The following TMEM135 variants were observed in gnomAD, a reference collection of about 807,000 sequenced individuals.
TMEM135 encodes transmembrane protein 135, also known as peroxisomal membrane protein 52.
Under a neutral mutation model 60.3 loss-of-function variants are expected in TMEM135, and 30 were observed. The observed-to-expected ratio is 0.50, with a 90% CI of 0.37 to 0.68. TMEM135 has a LOEUF of 0.68. Among genes scored for constraint, TMEM135 ranks in the 30% least tolerant of loss-of-function variants. The pLI is 0.00. For missense variants in TMEM135, 468 were observed against 548.8 expected (o/e 0.85, Z 1.47); for synonymous variants, 190 against 186.7 (o/e 1.02, Z -0.14).
intron 4 of TMEM135, among the ~76,000 whole-genome samples, chr11:87,109,823 C>G (rs973589177): frequency 8.9e-6 from 1 of 112,360 alleles, no homozygotes; most frequent in Non-Finnish European, 1.8e-5. Context: ...TTAAAAGCAC[C>G]AACTCTTTTT....
At chr11:87,287,621 G>C (rs918515585) in intron 6 of TMEM135, among the ~76,000 whole-genome samples, 1 of 152,208 alleles carries the variant, frequency 6.6e-6, no homozygotes, top group Non-Finnish European at 1.5e-5. Context: ...AGATTGCAGT[G>C]AGCTGAGATC....
At chr11:87,123,152 G>A (rs76070245) in intron 4 of TMEM135, among the ~76,000 whole-genome samples, 15,694 of 152,184 alleles carry the variant, frequency 0.1, 839 homozygotes, top group African/African-American at 0.12. Flanking sequence ...GTTTATGTTA[G>A]TCTTCTAGGG....
At position 87,322,688 on chromosome 11, in the gene TMEM135, A is replaced by G. The variant is rs751301527; in HGVS notation, c.*1355A>G. On this transcript the variant is annotated 3_prime_UTR_variant, in exon 15 of 15. Transcript: ENST00000305494. ...CAAAAGGAATTATAACCCATACTTTAAAAATGCTTAATCCCTCATATTCAA... is the reference window on the plus strand; with the variant it reads ...CAAAAGGAATTATAACCCATACTTTGAAAATGCTTAATCCCTCATATTCAA... The G allele has an allele frequency of 6.6e-6, 3 of 453,912 alleles. No homozygotes were observed. Among genetic ancestry groups the G allele is most frequent in the Non-Finnish European group, 1.3e-5 (3 of 226,734 alleles). 28.1% of individuals were successfully genotyped at this position (453,912 alleles called of 1,614,324 possible). A position where few individuals can be genotyped will look rare whatever the true frequency, so the allele number is the denominator to read the frequency against.
At chr11:87,193,854 T>G (rs301576) in intron 5 of TMEM135, among the ~76,000 whole-genome samples, 79,048 of 150,190 alleles carry the variant, frequency 0.53, 22,022 homozygotes, top group East Asian at 0.73. Context: ...AATAGGCCTA[T>G]GATCATGCTA....
chr11:87,182,232 A>G (rs1247537522), intron 5 of TMEM135, among the ~76,000 whole-genome samples: 3 of 152,044 alleles, frequency 2.0e-5, no homozygotes, highest in African/African-American at 7.2e-5. Flanking sequence ...ATATTGTGTG[A>G]CCTACATGCT....
rs1373008715 is a variant in TMEM135, at chr11:87,326,698, C to G, written c.*5365C>G. On this transcript the variant is annotated 3_prime_UTR_variant, in exon 15 of 15. Coordinates refer to ENST00000305494, the MANE Select transcript of TMEM135 (RefSeq NM_022918.4). Reference sequence around the variant, plus strand: ...CATCTTGAGCTCTCAAGGGAAAAAACAGGAGTCCTTATTTTTCTATTTATT... The same window carrying G: ...CATCTTGAGCTCTCAAGGGAAAAAAGAGGAGTCCTTATTTTTCTATTTATT... 2.2e-6 allele frequency: 1 copy of G among 452,008 alleles called. No individual in the cohort carries two copies. The highest frequency in any genetic ancestry group is 6.9e-5 in the East Asian group (1 of 14,392). The allele number at this position is 452,008 out of a possible 1,614,324, so 28.0% of individuals were successfully genotyped here. A position where few individuals can be genotyped will look rare whatever the true frequency, so the allele number is the denominator to read the frequency against.
At chr11:87,178,440 C>G (rs1011003180) in intron 5 of TMEM135, 1 of 455,908 alleles carries the variant, frequency 2.2e-6, no homozygotes, top group Admixed American at 2.4e-5. Context: ...TAACATAATG[C>G]GTTTTGTTTT....
At chr11:87,094,991 C>T (rs1364231192) in intron 4 of TMEM135, 1 of 166,368 alleles carries the variant, frequency 6.0e-6, no homozygotes, top group African/African-American at 2.4e-5. Context: ...GATATTTACA[C>T]CTTGGATACC....
intron 1 of TMEM135, among the ~76,000 whole-genome samples, chr11:87,041,477 G>T (rs1035052827): frequency 6.6e-6 from 1 of 152,196 alleles, no homozygotes; most frequent in Non-Finnish European, 1.5e-5. Context: ...ATTTCACTAA[G>T]TAGTGGAAAG....
At position 87,223,663 on chromosome 11, in the gene TMEM135, G is replaced by GCACACACACA. The variant is rs1320732136; in HGVS notation, c.463-12972_463-12971insACACACACAC. 2.3e-3 allele frequency among the ~76,000 whole-genome samples: 298 copies of GCACACACACA among 130,954 alleles called. 2 individuals are homozygous for GCACACACACA. The highest frequency in any genetic ancestry group is 8.3e-3 in the African/African-American group (277 of 33,542). 85.9% of individuals were successfully genotyped at this position (130,954 alleles called of 152,430 possible). ...CTGTCTCTACTAAAAATACGCACAT[G>GCACACACACA]CACGCACACACACACACACACACAC... On this transcript the variant is annotated intron_variant, in intron 5 of 14. Transcript: ENST00000305494.
intron 1 of TMEM135, among the ~76,000 whole-genome samples, chr11:87,044,752 G>A (rs527916567): frequency 2.0e-5 from 3 of 151,958 alleles, no homozygotes; most frequent in South Asian, 2.1e-4. Context: ...CTGGGGTCAC[G>A]CCCTTCTCCT....
chr11:87,244,534 T>G, intron 6 of TMEM135, among the ~76,000 whole-genome samples: 1 of 90,870 alleles, frequency 1.1e-5, no homozygotes, highest in African/African-American at 4.2e-5. Flanking sequence ...CAGAGCCTGT[T>G]ATTGGTCTAT....
chr11:87,122,706 C>T (rs1937622687), intron 4 of TMEM135, among the ~76,000 whole-genome samples: 2 of 152,052 alleles, frequency 1.3e-5, no homozygotes, highest in Admixed American at 1.3e-4. Flanking sequence ...GGTGACCCAC[C>T]CGCCTTGGCC....
intron 6 of TMEM135, among the ~76,000 whole-genome samples, chr11:87,240,739 T>C (rs522886): frequency 0.66 from 99,771 of 151,584 alleles, 33,394 homozygotes; most frequent in Non-Finnish European, 0.71. Context: ...AGAAGTAGTT[T>C]TGCATAATTT....
In TMEM135 at chr11:87,218,791, G is replaced by A. The variant is rs773779542; in HGVS notation, c.463-17847G>A. Reference sequence around the variant, plus strand: ...AGCCCGGCCAATATGGTGAAACCCCGTCTCTACTAAAAATACAAAAATTAG... The same window carrying A: ...AGCCCGGCCAATATGGTGAAACCCCATCTCTACTAAAAATACAAAAATTAG... On this transcript the variant is annotated intron_variant, in intron 5 of 14. Transcript: ENST00000305494. Among the ~76,000 whole-genome samples the A allele has an allele frequency of 4.3e-4, 66 of 152,160 alleles. No homozygotes were observed. In the Middle Eastern group the frequency reaches 0.014, roughly 31 times the overall value.
At chr11:87,072,461 A>G (rs918862003) in intron 3 of TMEM135, among the ~76,000 whole-genome samples, 2 of 151,936 alleles carry the variant, frequency 1.3e-5, no homozygotes, top group Admixed American at 6.6e-5. Context: ...ACCCACTGCA[A>G]CCTCCGCCTC....
intron 6 of TMEM135, among the ~76,000 whole-genome samples, chr11:87,280,939 C>T (rs1281539430): frequency 6.6e-6 from 1 of 152,116 alleles, no homozygotes; most frequent in African/African-American, 2.4e-5. Context: ...GCCTTCCTGC[C>T]TTTTGGATTT....
chr11:87,136,065 T>C (rs1423148051), intron 4 of TMEM135, among the ~76,000 whole-genome samples: 1 of 152,066 alleles, frequency 6.6e-6, no homozygotes, highest in Non-Finnish European at 1.5e-5. Context: ...TGTATATTGA[T>C]CTTATATCCT....
chr11:87,147,228 CA>C (rs1938439809), intron 4 of TMEM135, among the ~76,000 whole-genome samples: 1 of 152,110 alleles, frequency 6.6e-6, no homozygotes, highest in Non-Finnish European at 1.5e-5. Flanking sequence ...GAGGCTGAGG[CA>C]CAAGAATCGC....
Sources: allele counts gnomAD v4.1 joint callset (sites outside exome capture counted in the v4.1 genomes callset), GRCh38; gene constraint gnomAD v4.1.1; transcripts MANE v1.5; gene names NCBI Gene and HGNC (gene_info 2026-07-23, HGNC 2026-07-21).